Variants in ADAM12 observed in about 807,000 individuals in gnomAD.
ADAM12 encodes the protein disintegrin and metalloproteinase domain-containing protein 12.
ADAM12 carries 70 observed loss-of-function variants against 106.4 expected under a neutral mutation model. The ratio of observed to expected loss-of-function variants is 0.66; its 90% confidence interval spans 0.54 to 0.80. The LOEUF (loss-of-function observed/expected upper bound fraction) is 0.80. Ranked by LOEUF, ADAM12 falls within the 30% of genes least tolerant of loss-of-function variation. The pLI is 0.00. For synonymous variants in ADAM12, 420 were observed against 433.5 expected (o/e 0.97, Z 0.39); for missense variants, 1,010 against 1,171.9 (o/e 0.86, Z 2.02).
At chr10:126,296,852 G>T (rs979491934) in intron 2 of ADAM12, among the ~76,000 whole-genome samples, 1 of 152,178 alleles carries the variant, frequency 6.6e-6, no homozygotes, top group Non-Finnish European at 1.5e-5. Context: ...TGAACTGCAG[G>T]CCTTTTCATT....
chr10:126,113,718 AT>A (rs59722867), intron 6 of ADAM12, among the ~76,000 whole-genome samples: 5,179 of 68,772 alleles, frequency 0.075, 675 homozygotes, highest in African/African-American at 0.088. Flanking sequence ...ATATATATAT[AT>A]ATATATATAT....
intron 2 of ADAM12, among the ~76,000 whole-genome samples, chr10:126,294,914 G>A (rs1451488939): frequency 1.4e-5 from 2 of 148,064 alleles, no homozygotes; most frequent in Non-Finnish European, 3.0e-5. Flanking sequence ...GTGTGTGTGT[G>A]TATGTGTGTG....
intron 2 of ADAM12, among the ~76,000 whole-genome samples, chr10:126,311,258 T>C (rs1286211342): frequency 6.6e-6 from 1 of 152,144 alleles, no homozygotes; most frequent in African/African-American, 2.4e-5. Context: ...GCATGTTTGC[T>C]GAATAAATAC....
intron 6 of ADAM12, among the ~76,000 whole-genome samples, chr10:126,116,465 T>C (rs577466944): frequency 6.6e-6 from 1 of 151,878 alleles, no homozygotes; most frequent in African/African-American, 2.4e-5. Flanking sequence ...CTAAGACAGG[T>C]TGCGGGGAGA....
intron 3 of ADAM12, among the ~76,000 whole-genome samples, chr10:126,199,606 T>C (rs1295078299): frequency 1.1e-4 from 16 of 152,200 alleles, no homozygotes; most frequent in Non-Finnish European, 8.8e-5. Context: ...AGAGTGTGTC[T>C]CGGACCGTCT....
chr10:126,299,818 A>T (rs1019518275), intron 2 of ADAM12, among the ~76,000 whole-genome samples: 1 of 151,918 alleles, frequency 6.6e-6, no homozygotes, highest in Non-Finnish European at 1.5e-5. Flanking sequence ...TAATTTTTGT[A>T]TTTTTAGTAG....
chr10:126,260,338 T>C (rs1958976130), intron 3 of ADAM12, among the ~76,000 whole-genome samples: 1 of 152,184 alleles, frequency 6.6e-6, no homozygotes, highest in Non-Finnish European at 1.5e-5. Flanking sequence ...TCAAAAGTGG[T>C]CGATGTTTAC....
intron 3 of ADAM12, among the ~76,000 whole-genome samples, chr10:126,217,452 C>G (rs1958007891): frequency 6.6e-6 from 1 of 151,270 alleles, no homozygotes; most frequent in Non-Finnish European, 1.5e-5. Context: ...ACCACAACTT[C>G]TGCCTCCAGG....
chr10:126,157,756 CCT>C (rs778209477), intron 3 of ADAM12, among the ~76,000 whole-genome samples: 1 of 152,208 alleles, frequency 6.6e-6, no homozygotes, highest in Non-Finnish European at 1.5e-5. Flanking sequence ...CTCTGAAACC[CCT>C]GTCTTCTAAG....
intron 6 of ADAM12, among the ~76,000 whole-genome samples, chr10:126,114,129 G>A (rs1292573427): frequency 3.9e-5 from 6 of 152,062 alleles, no homozygotes; most frequent in African/African-American, 7.2e-5. Flanking sequence ...ATCCTTGACC[G>A]TGACTGGCAT....
intron 2 of ADAM12, among the ~76,000 whole-genome samples, chr10:126,280,324 C>A (rs1408739194): frequency 2.0e-5 from 3 of 152,156 alleles, no homozygotes; most frequent in African/African-American, 7.2e-5. Context: ...ATTTTTAGGG[C>A]AGCCCTTTGC....
At chr10:126,088,331 G>A (rs1278367) in intron 11 of ADAM12, among the ~76,000 whole-genome samples, 2 of 151,888 alleles carry the variant, frequency 1.3e-5, no homozygotes, top group Non-Finnish European at 2.9e-5. Flanking sequence ...GGCCAGCTGC[G>A]CGTCTGTTGA....
At chr10:126,150,316 C>G (rs1956706473) in intron 4 of ADAM12, among the ~76,000 whole-genome samples, 1 of 152,210 alleles carries the variant, frequency 6.6e-6, no homozygotes, top group Non-Finnish European at 1.5e-5. Context: ...CCCTGCCCAT[C>G]ACTTATTTAT....
At chr10:126,191,163 G>A (rs930244439) in intron 3 of ADAM12, among the ~76,000 whole-genome samples, 6 of 151,628 alleles carry the variant, frequency 4.0e-5, no homozygotes, top group African/African-American at 9.7e-5. Context: ...CACCACGCCC[G>A]GCTAATTTTT....
At chr10:126,204,857 T>G (rs1590616755) in intron 3 of ADAM12, among the ~76,000 whole-genome samples, 1 of 152,180 alleles carries the variant, frequency 6.6e-6, no homozygotes, top group South Asian at 2.1e-4. Flanking sequence ...ACAGTCTTTG[T>G]CACAACTACC....
chr10:126,191,186 G>C (rs1167064905), intron 3 of ADAM12, among the ~76,000 whole-genome samples: 1 of 151,790 alleles, frequency 6.6e-6, no homozygotes, highest in African/African-American at 2.4e-5. Flanking sequence ...ATTTTTAGTA[G>C]AGATGGAGTT....
chr10:126,285,493 C>T (rs1050237048), intron 2 of ADAM12, among the ~76,000 whole-genome samples: 1 of 152,108 alleles, frequency 6.6e-6, no homozygotes, highest in African/African-American at 2.4e-5. Flanking sequence ...GGGCTGATGT[C>T]CCAGTTTATT....
chr10:126,160,285 T>A (rs139541998), intron 3 of ADAM12, among the ~76,000 whole-genome samples: 27 of 152,316 alleles, frequency 1.8e-4, no homozygotes, highest in African/African-American at 5.8e-4. Context: ...TAGATTCAAC[T>A]ATCTCCTTCA....
At chr10:126,100,924 G>A in intron 9 of ADAM12, 148 bp downstream of exon 9, 1 of 747,976 alleles carries the variant, frequency 1.3e-6, no homozygotes, top group African/African-American at 1.8e-5. Context: ...GGTGGCATCT[G>A]CCCCCCTGGT....
Sources: allele counts gnomAD v4.1 joint callset (sites outside exome capture counted in the v4.1 genomes callset), GRCh38; gene constraint gnomAD v4.1.1; transcripts MANE v1.5; gene names NCBI Gene and HGNC (gene_info 2026-07-23, HGNC 2026-07-21).